TTC39C: variants seen among roughly 807,000 people sequenced by gnomAD.
The protein encoded by TTC39C is tetratricopeptide repeat domain 39C.
In TTC39C, 33 loss-of-function variants were observed where a neutral mutation model predicts 76.3. The ratio of observed to expected loss-of-function variants is 0.43; its 90% CI spans 0.33 to 0.58. TTC39C has a LOEUF of 0.58. Ranked by LOEUF, TTC39C falls within the 20% of genes least tolerant of loss-of-function variation. TTC39C has a pLI of 0.04. For missense variants in TTC39C, 595 were observed against 701.4 expected (o/e 0.85, Z 1.71); for synonymous variants, 254 against 260.6 (o/e 0.97, Z 0.24).
intron 9 of TTC39C, among the ~76,000 whole-genome samples, chr18:24,124,914 C>T (rs894626097): frequency 2.6e-5 from 4 of 152,118 alleles, no homozygotes; most frequent in Non-Finnish European, 4.4e-5. Flanking sequence ...GTTTTTGAGA[C>T]GGAGTTTTGC....
At position 24,064,129 on chromosome 18, in the gene TTC39C, T is replaced by TG. The variant is rs2084136474; in HGVS notation, c.168-11_168-10insG. The TG allele has an allele frequency of 3.1e-6, 5 of 1,612,862 alleles. No individual in the cohort carries two copies. The Admixed American group carries it at 6.7e-5, about 22-fold the overall frequency. ...TTGTATTTTGTGTGTGTGTGTGTGT[T>TG]TTTTTAACAGAAATCATAGCCCACT... On this transcript the variant is annotated splice_polypyrimidine_tract_variant and intron_variant, in intron 1 of 13. Coordinates refer to ENST00000317571, the MANE Select transcript of TTC39C (RefSeq NM_001135993.2).
intron 6 of TTC39C, among the ~76,000 whole-genome samples, chr18:24,088,192 A>C (rs2084469659): frequency 6.6e-6 from 1 of 152,244 alleles, no homozygotes; most frequent in East Asian, 1.9e-4. Context: ...CTAAACAATC[A>C]GTTTCATTTC....
upstream of TTC39C, among the ~76,000 whole-genome samples, chr18:24,010,775 G>C (rs1027353717): frequency 3.3e-5 from 5 of 152,294 alleles, no homozygotes; most frequent in Admixed American, 6.5e-5. Context: ...GGCCAGGCAT[G>C]GGTGGCTCAT....
chr18:24,130,027 A>G (rs1159595788), intron 11 of TTC39C, among the ~76,000 whole-genome samples: 1 of 152,206 alleles, frequency 6.6e-6, no homozygotes, highest in African/African-American at 2.4e-5. Flanking sequence ...TCTTAGATGC[A>G]GATAAAAGAT....
At chr18:24,112,542 C>A (rs376237175) in intron 6 of TTC39C, among the ~76,000 whole-genome samples, 5 of 152,268 alleles carry the variant, frequency 3.3e-5, no homozygotes, top group East Asian at 1.9e-4. Context: ...TTTTTCCTTT[C>A]CTTAGATTCA....
intron 1 of TTC39C, among the ~76,000 whole-genome samples, chr18:24,031,707 A>C (rs2083673612): frequency 6.6e-6 from 1 of 152,108 alleles, no homozygotes; most frequent in South Asian, 2.1e-4. Flanking sequence ...CCTCCACCAG[A>C]GTGATCTCTT....
intron 1 of TTC39C, among the ~76,000 whole-genome samples, chr18:24,042,263 G>A (rs1053805589): frequency 3.3e-5 from 5 of 152,072 alleles, no homozygotes; most frequent in Non-Finnish European, 7.4e-5. Flanking sequence ...CAACCTTTTT[G>A]GCACCAGGGA....
chr18:24,020,398 G>A lies in TTC39C; in HGVS notation c.167+5360G>A, dbSNP rs1056187131. 19 of 678,374 alleles carry A rather than the reference G, an allele frequency of 2.8e-5. No homozygotes were observed. The East Asian group carries it at 4.0e-4, about 14-fold the overall frequency. 42.0% of individuals were successfully genotyped at this position (678,374 alleles called of 1,614,324 possible). ...TGCTATAGTGTAAGTCTCTGTAAGT[G>A]TGTACAAGTGTACAAGAAACACTTG... On this transcript the variant is annotated intron_variant, in intron 1 of 13. Transcript: ENST00000317571.
intron 1 of TTC39C, among the ~76,000 whole-genome samples, chr18:24,045,644 A>C (rs2083859529): frequency 2.0e-5 from 3 of 152,018 alleles, no homozygotes; most frequent in South Asian, 4.1e-4. Flanking sequence ...ACAGGTGCTC[A>C]AAAAATGTTT....
In TTC39C at chr18:24,118,133, A is replaced by T; in HGVS notation, c.1087A>T (p.Ser363Cys). ...AAATATTTCTTTCATAGGTTGGTGC[A>T]GCATGATAGAGCTCAATTTCAAGGA... is the stretch of plus-strand genomic sequence containing the variant. Reference protein sequence around the residue: ...HVCLYEIGWCSMIELNFKDAF... With the variant: ...HVCLYEIGWCCMIELNFKDAF... Residue 363 changes from serine to cysteine, a missense_variant, in exon 8 of 14, where the codon AGC (serine) becomes TGC (cysteine). Physicochemically the swap from Ser to Cys is moderately radical, Grantham distance 112. Coordinates refer to ENST00000317571, the MANE Select transcript of TTC39C (RefSeq NM_001135993.2). The T allele has an allele frequency of 6.2e-7, 1 of 1,613,670 alleles. No individual in the cohort carries two copies. The highest frequency in any genetic ancestry group is 8.5e-7 in the Non-Finnish European group (1 of 1,179,784).
rs2083562402 is a variant in TTC39C at position 24,023,999 on chromosome 18, TATATATATA to T, written c.167+8962_167+8970del. 9.0e-4 allele frequency among the ~76,000 whole-genome samples: 10 copies of T among 11,100 alleles called. 1 individual carries two copies. Among genetic ancestry groups the T allele is most frequent in the Non-Finnish European group, 1.2e-3 (7 of 5,942 alleles). 7.3% of individuals were successfully genotyped at this position (11,100 alleles called of 152,430 possible). A position where few individuals can be genotyped will look rare whatever the true frequency, so the allele number is the denominator to read the frequency against. On this transcript the variant is annotated intron_variant, in intron 1 of 13. Coordinates refer to ENST00000317571, the MANE Select transcript of TTC39C (RefSeq NM_001135993.2). ...ATATATACATATATATATATATATA[TATATATATA>T]TATATATATTTTTTTTTTTTTTTGA...
chr18:24,015,847 G>T (rs1308609145), intron 1 of TTC39C, among the ~76,000 whole-genome samples: 1 of 152,150 alleles, frequency 6.6e-6, no homozygotes, highest in Non-Finnish European at 1.5e-5. Flanking sequence ...TGTGGGAGTG[G>T]AAGGAACCTT....
At chr18:24,018,396 C>G (rs929830991) in intron 1 of TTC39C, among the ~76,000 whole-genome samples, 2 of 151,528 alleles carry the variant, frequency 1.3e-5, no homozygotes, top group South Asian at 4.2e-4. Context: ...CACACACACA[C>G]TCATTCCCTT....
intron 2 of TTC39C, 81 bp downstream of exon 2, chr18:24,064,269 A>T: frequency 6.7e-7 from 1 of 1,502,466 alleles, no homozygotes; most frequent in Non-Finnish European, 9.2e-7. Context: ...CCAGTTGTAT[A>T]GATACACTAT....
intron 1 of TTC39C, among the ~76,000 whole-genome samples, chr18:24,037,801 C>T (rs969639465): frequency 6.6e-6 from 1 of 152,136 alleles, no homozygotes; most frequent in Non-Finnish European, 1.5e-5. Context: ...GTTGTGAACT[C>T]GGGTTCTTCA....
intron 4 of TTC39C, among the ~76,000 whole-genome samples, chr18:24,077,521 G>A (rs1217639626): frequency 1.3e-5 from 2 of 152,140 alleles, no homozygotes; most frequent in African/African-American, 2.4e-5. Context: ...ATGTTAAGTT[G>A]CATGCTTATT....
At chr18:24,017,431 AG>A (rs2145645928) in intron 1 of TTC39C, among the ~76,000 whole-genome samples, 1 of 152,358 alleles carries the variant, frequency 6.6e-6, no homozygotes, top group African/African-American at 2.4e-5. Flanking sequence ...TAGAATGAAA[AG>A]AAATAATCCA....
At chr18:24,103,909 C>G (rs1323408662) in intron 6 of TTC39C, among the ~76,000 whole-genome samples, 2 of 151,308 alleles carry the variant, frequency 1.3e-5, no homozygotes, top group African/African-American at 2.4e-5. Context: ...CCATTCAGTG[C>G]GAAATCCCAC....
intron 1 of TTC39C, among the ~76,000 whole-genome samples, chr18:24,037,707 G>A (rs904406158): frequency 6.6e-5 from 10 of 152,158 alleles, no homozygotes; most frequent in African/African-American, 2.4e-4. Context: ...TTAGCATTTA[G>A]ACATGGAATA....
Sources: allele counts gnomAD v4.1 joint callset (sites outside exome capture counted in the v4.1 genomes callset), GRCh38; gene constraint gnomAD v4.1.1; transcripts MANE v1.5; gene names NCBI Gene and HGNC (gene_info 2026-07-23, HGNC 2026-07-21).